ERP44: variants seen among roughly 807,000 people sequenced by gnomAD.
ERP44 encodes endoplasmic reticulum protein 44.
ERP44 carries 25 observed loss-of-function variants against 53.4 expected under a neutral mutation model. The ratio of observed to expected loss-of-function variants is 0.47; its 90% CI spans 0.34 to 0.65. The LOEUF (loss-of-function observed/expected upper bound fraction) is 0.65, where lower values mean the gene tolerates loss of function less well. ERP44 is among the 30% of genes least tolerant of loss of function. ERP44 has a pLI of 0.01. For missense variants in ERP44, 338 were observed against 493.2 expected, an observed-to-expected ratio of 0.69 and a Z score of 2.98; for synonymous variants, 145 against 161.2, an observed-to-expected ratio of 0.90 and a Z score of 0.76.
chr9:99,982,593 C>G lies in ERP44; in HGVS notation c.*19G>C. ...GTTGATGCTGCTGTTGAAAGGCTTACAAACTGTTTTTCAAGTTTTTAAAGC... is the reference window on the plus strand; with the variant it reads ...GTTGATGCTGCTGTTGAAAGGCTTAGAAACTGTTTTTCAAGTTTTTAAAGC... On this transcript the variant is annotated 3_prime_UTR_variant, in exon 12 of 12. Transcript: ENST00000262455. 7.3e-7 allele frequency: 1 copy of G among 1,371,856 alleles called. No homozygotes were observed. Among genetic ancestry groups the G allele is most frequent in the Non-Finnish European group, 9.9e-7 (1 of 1,008,846 alleles). 85.0% of individuals were successfully genotyped at this position (1,371,856 alleles called of 1,614,324 possible).
intron 10 of ERP44, among the ~76,000 whole-genome samples, chr9:99,992,197 T>G (rs887819014): frequency 6.6e-6 from 1 of 152,136 alleles, no homozygotes; most frequent in African/African-American, 2.4e-5. Flanking sequence ...TACCAAAGCC[T>G]GGCAGAGACA....
At chr9:100,017,952 A>C (rs1008869168) in intron 7 of ERP44, among the ~76,000 whole-genome samples, 1 of 152,208 alleles carries the variant, frequency 6.6e-6, no homozygotes, top group Non-Finnish European at 1.5e-5. Context: ...TCTGGCTCCC[A>C]GACTGAATGC....
chr9:100,004,558 C>T (rs1025410324), intron 10 of ERP44, among the ~76,000 whole-genome samples: 1 of 152,228 alleles, frequency 6.6e-6, no homozygotes, highest in Admixed American at 6.5e-5. Flanking sequence ...TTTACCAGGA[C>T]AAGCCAAGTG....
chr9:100,001,426 A>G (rs745851760), intron 10 of ERP44, among the ~76,000 whole-genome samples: 2 of 152,172 alleles, frequency 1.3e-5, no homozygotes, highest in Non-Finnish European at 2.9e-5. Flanking sequence ...GCCCTTGCTG[A>G]AAAAGTAGGG....
chr9:99,990,679 G>A (rs1288657937), intron 10 of ERP44, among the ~76,000 whole-genome samples: 4 of 152,104 alleles, frequency 2.6e-5, no homozygotes, highest in South Asian at 2.1e-4. Context: ...AACCTTAAAC[G>A]TAAATGGGCT....
At chr9:99,989,636 T>C (rs1461515928) in intron 10 of ERP44, among the ~76,000 whole-genome samples, 2 of 152,054 alleles carry the variant, frequency 1.3e-5, no homozygotes, top group Non-Finnish European at 2.9e-5. Context: ...GCACCTCTTC[T>C]CCTCCAAAGG....
chr9:100,024,726 T>A (rs1358954397), intron 4 of ERP44, among the ~76,000 whole-genome samples: 1 of 152,130 alleles, frequency 6.6e-6, no homozygotes, highest in Non-Finnish European at 1.5e-5. Flanking sequence ...CCATTAAGAA[T>A]CAAGATTTTC....
chr9:100,067,363 G>A (rs914567704), intron 1 of ERP44, among the ~76,000 whole-genome samples: 7 of 142,596 alleles, frequency 4.9e-5, no homozygotes, highest in South Asian at 2.1e-4. Flanking sequence ...ACTGGTTTTC[G>A]TATTTTTTTG....
chr9:99,998,497 C>T (rs1017205084), intron 10 of ERP44: 19 of 713,528 alleles, frequency 2.7e-5, no homozygotes, highest in African/African-American at 1.4e-4. Context: ...CGGCCTCCCT[C>T]GGAGCCCCGC....
chr9:100,073,359 G>C (rs940661973), intron 1 of ERP44, among the ~76,000 whole-genome samples: 11 of 152,152 alleles, frequency 7.2e-5, no homozygotes, highest in Non-Finnish European at 1.5e-5. Flanking sequence ...CATAGAATTA[G>C]TTGAGATTAT....
rs1826153577 is a variant in ERP44 at position 100,061,833 on chromosome 9, T to C, written c.58-1661A>G. Among the ~76,000 whole-genome samples the C allele has an allele frequency of 2.0e-5, 3 of 152,272 alleles. No individual in the cohort carries two copies. In the South Asian group the frequency reaches 6.2e-4, roughly 32 times the overall value. ...TATTTTCAGTGCCTCAAACATTAAC[T>C]AGAAAGATCAGACTTCCCTCACTAG... On this transcript the variant is annotated intron_variant, in intron 1 of 11. Transcript: ENST00000262455.
chr9:99,994,982 TTCC>T (rs939306838), intron 10 of ERP44, among the ~76,000 whole-genome samples: 2 of 152,202 alleles, frequency 1.3e-5, no homozygotes, highest in African/African-American at 4.8e-5. Context: ...CACAGTATAC[TTCC>T]TCGTTTATTT....
intron 1 of ERP44, among the ~76,000 whole-genome samples, chr9:100,093,990 G>A (rs1298821696): frequency 6.6e-6 from 1 of 152,108 alleles, no homozygotes; most frequent in Non-Finnish European, 1.5e-5. Context: ...TACCTACAAA[G>A]CTACATATAC....
chr9:100,078,244 A>C (rs1363730055), intron 1 of ERP44, among the ~76,000 whole-genome samples: 1 of 151,102 alleles, frequency 6.6e-6, no homozygotes, highest in Non-Finnish European at 1.5e-5. Context: ...GATCATCTGA[A>C]GTCAGGAGTT....
intron 1 of ERP44, among the ~76,000 whole-genome samples, chr9:100,064,823 A>G (rs1826191920): frequency 2.0e-5 from 3 of 152,192 alleles, no homozygotes; most frequent in African/African-American, 7.2e-5. Context: ...CAAAAAAGCT[A>G]AAAAGAAAAA....
intron 10 of ERP44, among the ~76,000 whole-genome samples, chr9:99,989,046 G>A (rs768259547): frequency 6.6e-6 from 1 of 152,210 alleles, no homozygotes; most frequent in Non-Finnish European, 1.5e-5. Flanking sequence ...CTCGAACTGG[G>A]TGGAGCCCAC....
chr9:99,985,244 TACTC>T (rs1370119348), intron 10 of ERP44, among the ~76,000 whole-genome samples, 175 bp from the exon 11 acceptor site: 1 of 152,238 alleles, frequency 6.6e-6, no homozygotes, highest in Non-Finnish European at 1.5e-5. Flanking sequence ...AGTATCCAGA[TACTC>T]AGTTTTGTAT....
At chr9:100,082,856 G>A (rs1359403225) in intron 1 of ERP44, among the ~76,000 whole-genome samples, 2 of 151,838 alleles carry the variant, frequency 1.3e-5, no homozygotes, top group African/African-American at 2.4e-5. Flanking sequence ...AAATCCTCAT[G>A]AGAATATATT....
At position 100,067,519 on chromosome 9, in the gene ERP44, G is replaced by A. The variant is rs1425943438; in HGVS notation, c.58-7347C>T. ...TCAATGGTGCCCAGGCTGGAGTGCAGTGGCGTGATCTCGGCTCGCCACAAC... is the reference window on the plus strand; with the variant it reads ...TCAATGGTGCCCAGGCTGGAGTGCAATGGCGTGATCTCGGCTCGCCACAAC... On this transcript the variant is annotated intron_variant, in intron 1 of 11. Coordinates refer to ENST00000262455, the MANE Select transcript of ERP44 (RefSeq NM_015051.3). Among the ~76,000 whole-genome samples, 4 of 152,208 alleles carry A rather than the reference G, an allele frequency of 2.6e-5. No homozygotes were observed. The East Asian group carries it at 7.7e-4, about 29-fold the overall frequency.
Sources: allele counts gnomAD v4.1 joint callset (sites outside exome capture counted in the v4.1 genomes callset), GRCh38; gene constraint gnomAD v4.1.1; transcripts MANE v1.5; gene names NCBI Gene and HGNC (gene_info 2026-07-23, HGNC 2026-07-21).